HDAC9: variants seen among roughly 807,000 people sequenced by gnomAD.
The protein encoded by HDAC9 is MEF-2 interacting transcription repressor (MITR) protein.
HDAC9 carries 41 observed loss-of-function variants against 139.4 expected under a neutral mutation model. The observed-to-expected ratio is 0.29, with a 90% CI of 0.23 to 0.38. The LOEUF (loss-of-function observed/expected upper bound fraction) is 0.38. Ranked by LOEUF, HDAC9 falls within the 10% of genes least tolerant of loss-of-function variation. The pLI is 1.00. For missense variants in HDAC9, 1,147 were observed against 1,297.0 expected (o/e 0.88, Z 1.78); for synonymous variants, 517 against 476.2 (o/e 1.09, Z -1.12).
At chr7:18,945,635 T>C (rs1307960665) in intron 23 of HDAC9, among the ~76,000 whole-genome samples, 1 of 152,186 alleles carries the variant, frequency 6.6e-6, no homozygotes, top group Non-Finnish European at 1.5e-5. Context: ...GACTTCAACA[T>C]TTAGATGCAT....
intron 1 of HDAC9, among the ~76,000 whole-genome samples, chr7:18,364,179 C>G (rs1356389695): frequency 6.6e-6 from 1 of 152,066 alleles, no homozygotes; most frequent in East Asian, 1.9e-4. Flanking sequence ...CTGTGTGAGG[C>G]AGGATTGCTG....
intron 1 of HDAC9, among the ~76,000 whole-genome samples, chr7:18,296,507 A>G (rs563926476): frequency 6.6e-6 from 1 of 152,328 alleles, no homozygotes; most frequent in East Asian, 1.9e-4. Flanking sequence ...ACCATTATCA[A>G]TAAAACCTCC....
At position 18,894,930 on chromosome 7, in the gene HDAC9, T is replaced by C. The variant is rs115988220; in HGVS notation, c.2803+20334T>C. Among the ~76,000 whole-genome samples, 638 of 152,148 alleles carry C rather than the reference T, an allele frequency of 4.2e-3. 5 individuals carry two copies. The highest frequency in any genetic ancestry group is 0.014 in the African/African-American group (593 of 41,522). The stretch of plus-strand genomic sequence containing the variant: ...TGTGGGTCCAGATGCTGGCAGGTGA[T>C]GGGTGTAATGGTGGGAGATATATGA... On this transcript the variant is annotated intron_variant, in intron 22 of 25. Transcript: ENST00000686413.
chr7:18,462,187 C>G (rs573595047), intron 1 of HDAC9, among the ~76,000 whole-genome samples: 2 of 151,848 alleles, frequency 1.3e-5, no homozygotes, highest in East Asian at 3.9e-4. Context: ...ATGTTATAAG[C>G]AATTCCATCT....
chr7:18,890,625 T>C (rs1800597659), intron 22 of HDAC9, among the ~76,000 whole-genome samples: 1 of 152,222 alleles, frequency 6.6e-6, no homozygotes, highest in Non-Finnish European at 1.5e-5. Context: ...CTGCTCAAGA[T>C]AAATACAAAG....
intron 1 of HDAC9, chr7:18,088,104 A>C (rs1781908834): frequency 6.6e-6 from 1 of 152,192 alleles, no homozygotes. Flanking sequence ...GGTGTGTGTA[A>C]TCTCCTAAAA....
intron 1 of HDAC9, among the ~76,000 whole-genome samples, chr7:18,352,878 A>C (rs1258204904): frequency 2.0e-5 from 3 of 152,228 alleles, no homozygotes; most frequent in East Asian, 1.9e-4. Context: ...CTTCTAAGAA[A>C]ATCTTTTAAC....
chr7:18,983,019 T>C (rs1455230826), intron 25 of HDAC9, among the ~76,000 whole-genome samples: 1 of 152,186 alleles, frequency 6.6e-6, no homozygotes, highest in African/African-American at 2.4e-5. Context: ...CAGCAGTGTT[T>C]ATATGTGTAT....
At chr7:18,964,876 C>T (rs1486407899) in intron 24 of HDAC9, among the ~76,000 whole-genome samples, 1 of 152,170 alleles carries the variant, frequency 6.6e-6, no homozygotes, top group African/African-American at 2.4e-5. Flanking sequence ...GATTACAATT[C>T]AAGATGAGAT....
At chr7:18,274,119 A>G (rs1796561849) in intron 2 of HDAC9, among the ~76,000 whole-genome samples, 1 of 152,230 alleles carries the variant, frequency 6.6e-6, no homozygotes, top group Non-Finnish European at 1.5e-5. Flanking sequence ...AGGGACATGT[A>G]CAGGAATATT....
At chr7:18,246,315 A>G (rs577059828) in intron 2 of HDAC9, among the ~76,000 whole-genome samples, 1 of 151,682 alleles carries the variant, frequency 6.6e-6, no homozygotes, top group African/African-American at 2.4e-5. Flanking sequence ...GGAAACAGCT[A>G]CAGCAAAGGT....
chr7:18,427,435 T>TTA (rs763190483), intron 1 of HDAC9, among the ~76,000 whole-genome samples: 6 of 152,196 alleles, frequency 3.9e-5, no homozygotes, highest in Non-Finnish European at 8.8e-5. Context: ...CCTTACTTAT[T>TTA]TAGTCATTCA....
chr7:18,435,914 A>G (rs1213026103), intron 1 of HDAC9, among the ~76,000 whole-genome samples: 1 of 148,164 alleles, frequency 6.7e-6, no homozygotes, highest in Non-Finnish European at 1.5e-5. Flanking sequence ...AATATATAAT[A>G]TATAAAGAGA....
intron 2 of HDAC9, among the ~76,000 whole-genome samples, chr7:18,185,824 C>T (rs539198426): frequency 2.0e-5 from 3 of 152,232 alleles, no homozygotes; most frequent in Admixed American, 6.5e-5. Context: ...GCGATTATCT[C>T]GGGCATTTTT....
chr7:18,881,576 A>G (rs545832142), intron 22 of HDAC9, among the ~76,000 whole-genome samples: 2 of 152,130 alleles, frequency 1.3e-5, no homozygotes, highest in East Asian at 1.9e-4. Context: ...CTCTATACCT[A>G]TCTTAAAATG....
intron 17 of HDAC9, among the ~76,000 whole-genome samples, chr7:18,827,692 A>G (rs1388218365): frequency 2.0e-5 from 3 of 152,138 alleles, no homozygotes; most frequent in African/African-American, 7.2e-5. Flanking sequence ...TTGAATCACA[A>G]AAGTTTTAGC....
At chr7:18,378,720 G>A (rs980070883) in intron 1 of HDAC9, among the ~76,000 whole-genome samples, 1 of 151,956 alleles carries the variant, frequency 6.6e-6, no homozygotes, top group African/African-American at 2.4e-5. Flanking sequence ...CTCTGTTTTG[G>A]AGTAAACATA....
chr7:18,487,232 G>A (rs1796038449), intron 1 of HDAC9, among the ~76,000 whole-genome samples: 1 of 152,026 alleles, frequency 6.6e-6, no homozygotes, highest in Admixed American at 6.6e-5. Flanking sequence ...AAGAAAGTCT[G>A]TTGTAGTAAT....
intron 5 of HDAC9, among the ~76,000 whole-genome samples, chr7:18,592,327 G>A (rs1289992040): frequency 6.6e-6 from 1 of 152,092 alleles, no homozygotes; most frequent in Non-Finnish European, 1.5e-5. Flanking sequence ...CTGTGGTATT[G>A]TGGTTTTTAT....
Sources: gnomAD v4.1 joint callset for allele counts (sites outside exome capture counted in the v4.1 genomes callset) on GRCh38, gnomAD v4.1.1 for gene constraint, MANE v1.5 for transcripts, NCBI Gene and HGNC (gene_info 2026-07-23, HGNC 2026-07-21) for gene names.